DNM2: variants seen among roughly 807,000 people sequenced by gnomAD.
The protein encoded by DNM2 is dynamin 2, also known as dynamin-2.
DNM2 carries 15 observed loss-of-function variants against 99.0 expected under a neutral mutation model. That is an observed-to-expected ratio of 0.15 (90% CI 0.10 to 0.23). The LOEUF is 0.23. DNM2 is among the 10% of genes least tolerant of loss of function. DNM2 has a pLI of 1.00. For missense variants in DNM2, 742 were observed against 1,189.4 expected (o/e 0.62, Z 5.53); for synonymous variants, 525 against 481.2 (o/e 1.09, Z -1.19).
intron 7 of DNM2, among the ~76,000 whole-genome samples, chr19:10,790,027 G>A (rs150501910): frequency 2.0e-5 from 3 of 152,156 alleles, no homozygotes; most frequent in Non-Finnish European, 4.4e-5. Context: ...AAGCGCCACT[G>A]TTATCTGTGT....
At chr19:10,725,461 A>C (rs999406985) in intron 1 of DNM2, among the ~76,000 whole-genome samples, 1 of 150,262 alleles carries the variant, frequency 6.7e-6, no homozygotes, top group African/African-American at 2.4e-5. Context: ...AAAAAAAAAA[A>C]GGAAAAAAGG....
intron 2 of DNM2, among the ~76,000 whole-genome samples, chr19:10,770,020 G>A (rs1020176030): frequency 2.6e-5 from 4 of 152,196 alleles, no homozygotes; most frequent in Non-Finnish European, 4.4e-5. Flanking sequence ...TAACCCCTCT[G>A]GGCCTCAGTT....
chr19:10,734,754 C>T (rs2069463775), intron 1 of DNM2, among the ~76,000 whole-genome samples: 1 of 147,274 alleles, frequency 6.8e-6, no homozygotes, highest in African/African-American at 2.5e-5. Context: ...GGGGGTCTTG[C>T]TGTCTGGAAG....
Position 10,820,141 on chromosome 19 carries a change from A to C in DNM2, c.1781+52A>C. On this transcript the variant is annotated intron_variant, in intron 16 of 20. Coordinates refer to ENST00000389253, the MANE Select transcript of DNM2 (RefSeq NM_001005361.3). The surrounding 1 kb of genome is among the most constrained non-coding windows in gnomAD (Gnocchi z 4.3). ...GCTCGGGGTGAAGACCAATGGCCTCATTCACACTCCACAACCTTCACTGAG... is the reference window on the plus strand; with the variant it reads ...GCTCGGGGTGAAGACCAATGGCCTCCTTCACACTCCACAACCTTCACTGAG... The C allele has an allele frequency of 6.4e-7, 1 of 1,550,850 alleles. No homozygotes were observed. The highest frequency in any genetic ancestry group is 1.7e-5 in the Admixed American group (1 of 59,854).
chr19:10,789,358 C>T (rs1372103045), intron 7 of DNM2, among the ~76,000 whole-genome samples: 2 of 152,088 alleles, frequency 1.3e-5, no homozygotes, highest in African/African-American at 2.4e-5. Flanking sequence ...ATTTTCTGCA[C>T]CTCTAAAGTG....
chr19:10,793,934 G>T, intron 8 of DNM2, 79 bp downstream of exon 8: 1 of 1,610,320 alleles, frequency 6.2e-7, no homozygotes, highest in Non-Finnish European at 8.5e-7. Context: ...CTCCTCCCAG[G>T]CAATAAGGTC....
intron 15 of DNM2, among the ~76,000 whole-genome samples, chr19:10,814,023 G>T (rs1317831438): frequency 6.6e-6 from 1 of 152,078 alleles, no homozygotes; most frequent in East Asian, 1.9e-4. Flanking sequence ...TTAGCCAGGT[G>T]TGGTGGCGCA....
chr19:10,829,117 G>A lies in DNM2; in HGVS notation c.2140G>A (p.Asp714Asn), dbSNP rs1288607069. ...DQSSLMEESA[D>N]QAQRRDDMLR... ...GAGCAGCCTCATGGAGGAGTCGGCT[G>A]ACCAGGCACAGCGGCGGGACGACAT... Residue 714 changes from aspartate (D) to asparagine (N), a missense_variant, in exon 19 of 21, where the codon GAC becomes AAC. By Grantham distance (23) the Asp-to-Asn change is conservative. This residue lies in a region of DNM2 where 240 missense variants were observed against 431.3 expected (regional missense o/e 0.56). Coordinates refer to ENST00000389253, the MANE Select transcript of DNM2 (RefSeq NM_001005361.3). 6 of 1,613,928 alleles carry A rather than the reference G, an allele frequency of 3.7e-6. No homozygotes were observed. The highest frequency in any genetic ancestry group is 1.3e-5 in the African/African-American group (1 of 74,940).
chr19:10,740,701 A>G (rs1415912412), intron 1 of DNM2, among the ~76,000 whole-genome samples: 1 of 152,166 alleles, frequency 6.6e-6, no homozygotes, highest in Non-Finnish European at 1.5e-5. Context: ...TTTTAAATAC[A>G]GTTGCTTACA....
At chr19:10,815,214 T>C (rs1044627752) in intron 15 of DNM2, among the ~76,000 whole-genome samples, 6 of 152,174 alleles carry the variant, frequency 3.9e-5, no homozygotes, top group African/African-American at 1.4e-4. Context: ...TTAAAATGGC[T>C]GCCCCATACC....
At chr19:10,720,723 C>G (rs555102946) in intron 1 of DNM2, among the ~76,000 whole-genome samples, 3 of 151,986 alleles carry the variant, frequency 2.0e-5, no homozygotes, top group African/African-American at 7.3e-5. Context: ...GAACCAGATC[C>G]GGTTTCAAAA....
chr19:10,784,420 G>A (rs925715256), intron 6 of DNM2, among the ~76,000 whole-genome samples: 1 of 152,152 alleles, frequency 6.6e-6, no homozygotes, highest in Non-Finnish European at 1.5e-5. Context: ...GCTTACAAAC[G>A]GGAGTAGGGA....
At position 10,812,520 on chromosome 19, in the gene DNM2, G is replaced by T. The variant is rs576539028; in HGVS notation, c.1671+143G>T. 4.7e-6 allele frequency: 3 copies of T among 634,076 alleles called. No homozygotes were observed. The South Asian group carries it at 5.2e-5, about 11-fold the overall frequency. 39.3% of individuals were successfully genotyped at this position (634,076 alleles called of 1,614,324 possible). ...AGGACTGTAACTCGCCGGGCACGGT[G>T]GCTCCCGCCTGTAATCCCAGCACTT... On this transcript the variant is annotated intron_variant, in intron 15 of 20. Transcript: ENST00000389253. The surrounding 1 kb of genome is among the most constrained non-coding windows in gnomAD (Gnocchi z 4.0).
chr19:10,721,657 C>T (rs1045789769), intron 1 of DNM2, among the ~76,000 whole-genome samples: 1 of 152,134 alleles, frequency 6.6e-6, no homozygotes, highest in African/African-American at 2.4e-5. Context: ...AATCCTCCTG[C>T]CTCTGCCTCT....
chr19:10,786,791 A>G, intron 7 of DNM2, 85 bp downstream of exon 7: 1 of 1,590,240 alleles, frequency 6.3e-7, no homozygotes, highest in Non-Finnish European at 8.6e-7. Flanking sequence ...GGCACCACTC[A>G]TCACTCGTCC....
rs368616361 is a variant in DNM2 at position 10,787,031 on chromosome 19, T to G, written c.992+325T>G. Among the ~76,000 whole-genome samples the G allele has an allele frequency of 7.9e-5, 12 of 152,290 alleles. No homozygotes were observed. In the East Asian group the frequency reaches 1.9e-3, roughly 24 times the overall value. ...GTGGGAGTTGTCGGGAACAGCCTCC[T>G]TTAGAAGGTGAGCATTGGCCGGCCA... On this transcript the variant is annotated intron_variant, in intron 7 of 20. Coordinates refer to ENST00000389253, the MANE Select transcript of DNM2 (RefSeq NM_001005361.3).
At chr19:10,746,616 C>T (rs1428272505) in intron 1 of DNM2, among the ~76,000 whole-genome samples, 1 of 151,570 alleles carries the variant, frequency 6.6e-6, no homozygotes, top group Non-Finnish European at 1.5e-5. Flanking sequence ...GACGGGGTTT[C>T]TCCCTGTTGG....
chr19:10,816,273 G>C lies in DNM2; in HGVS notation c.1672-3707G>C, dbSNP rs115860991. Among the ~76,000 whole-genome samples, 657 of 152,200 alleles carry C rather than the reference G, an allele frequency of 4.3e-3. 7 individuals carry two copies. Among genetic ancestry groups the C allele is most frequent in the African/African-American group, 0.015 (636 of 41,516 alleles). On this transcript the variant is annotated intron_variant, in intron 15 of 20. Transcript: ENST00000389253. The surrounding 1 kb of genome is among the most constrained non-coding windows in gnomAD (Gnocchi z 4.6). ...ACATTGGGGGTGAAAGGATCATCCC[G>C]CTCCACATGAGGCCAGACGCTCATC...
Position 10,819,884 on chromosome 19 carries a change from C to T in DNM2, c.1672-96C>T, listed in dbSNP as rs372487619. 181 of 1,135,840 alleles carry T rather than the reference C, an allele frequency of 1.6e-4. No homozygotes were observed. In the African/African-American group the frequency reaches 1.8e-3, roughly 11 times the overall value. The allele number at this position is 1,135,840 out of a possible 1,614,324, so 70.4% of individuals were successfully genotyped here. A position where few individuals can be genotyped will look rare whatever the true frequency, so the allele number is the denominator to read the frequency against. Reference sequence around the variant, plus strand: ...GCAGCGACCAGCATTGAGAAGCCCCCGGGGCTGGTGGTGGCGCATGCTACA... The same window carrying T: ...GCAGCGACCAGCATTGAGAAGCCCCTGGGGCTGGTGGTGGCGCATGCTACA... On this transcript the variant is annotated intron_variant, in intron 15 of 20. Coordinates refer to ENST00000389253, the MANE Select transcript of DNM2 (RefSeq NM_001005361.3).
Sources: gnomAD v4.1 joint callset for allele counts (sites outside exome capture counted in the v4.1 genomes callset) on GRCh38, gnomAD v4.1.1 for gene constraint, gnomAD v4.1.1 regional missense constraint, Gnocchi (gnomAD v3.1) non-coding constraint, MANE v1.5 for transcripts, NCBI Gene and HGNC (gene_info 2026-07-23, HGNC 2026-07-21) for gene names.